The following ATAD5 variants were observed in gnomAD, a reference collection of about 807,000 sequenced individuals.
ATAD5 encodes the protein ATPase family AAA domain-containing protein 5.
Under a neutral mutation model 176.9 loss-of-function variants are expected in ATAD5, and 58 were observed. The ratio of observed to expected loss-of-function variants is 0.33; its 90% confidence interval spans 0.27 to 0.41. The LOEUF (loss-of-function observed/expected upper bound fraction) is 0.41, where lower values mean the gene tolerates loss of function less well. ATAD5 is among the 10% of genes least tolerant of loss of function. ATAD5 has a pLI of 1.00. For missense variants in ATAD5, 1,789 were observed against 2,094.1 expected (o/e 0.85, Z 2.84); for synonymous variants, 640 against 712.6 (o/e 0.90, Z 1.62).
At chr17:30,884,949 G>C (rs921371894) in intron 18 of ATAD5, among the ~76,000 whole-genome samples, 1 of 151,668 alleles carries the variant, frequency 6.6e-6, no homozygotes, top group Non-Finnish European at 1.5e-5. Context: ...GGGTTTCACT[G>C]TGTTAGCCAG....
intron 18 of ATAD5, among the ~76,000 whole-genome samples, chr17:30,885,508 G>GA (rs1909261802): frequency 6.6e-6 from 1 of 151,370 alleles, no homozygotes; most frequent in Non-Finnish European, 1.5e-5. Flanking sequence ...TCCTTAGCTT[G>GA]TACTTGATCT....
rs745393622 is a variant in ATAD5 at position 30,887,270 on chromosome 17, T to C, written c.4156T>C (p.Leu1386=). Reference sequence around the variant, plus strand: ...TGATGTAAAAGACTTTGTAACCTTGTTAACTGCAAATACTTGTGATATCAG... The same window carrying C: ...TGATGTAAAAGACTTTGTAACCTTGCTAACTGCAAATACTTGTGATATCAG... ...RTDVKDFVTL[L]TANTCDIRKS... The change falls in exon 19 of 23, where the codon TTA becomes CTA. Residue 1386 remains leucine, a synonymous_variant. Coordinates refer to ENST00000321990, the MANE Select transcript of ATAD5 (RefSeq NM_024857.5). 1 of 1,608,082 alleles carries C rather than the reference T, an allele frequency of 6.2e-7. No homozygotes were observed. Among genetic ancestry groups the C allele is most frequent in the Non-Finnish European group, 8.5e-7 (1 of 1,177,532 alleles).
In ATAD5 at chr17:30,832,211, G is replaced by A. The variant is rs1905418920; in HGVS notation, c.-137G>A. 3 of 579,724 alleles carry A rather than the reference G, an allele frequency of 5.2e-6. No homozygotes were observed. Among genetic ancestry groups the A allele is most frequent in the Non-Finnish European group, 8.2e-6 (3 of 365,448 alleles). The allele number at this position is 579,724 out of a possible 1,614,324, so 35.9% of individuals were successfully genotyped here. On this transcript the variant is annotated 5_prime_UTR_variant, in exon 1 of 23. Coordinates refer to ENST00000321990, the MANE Select transcript of ATAD5 (RefSeq NM_024857.5). ...CTCCGCTCCCGCTCTCTGTCGGTGGGCGCGGGGGAATCCGAAACGGCTCAG... is the reference window on the plus strand; with the variant it reads ...CTCCGCTCCCGCTCTCTGTCGGTGGACGCGGGGGAATCCGAAACGGCTCAG...
At chr17:30,852,798 C>T (rs933687205) in intron 6 of ATAD5, among the ~76,000 whole-genome samples, 7 of 152,068 alleles carry the variant, frequency 4.6e-5, no homozygotes, top group Admixed American at 3.3e-4. Flanking sequence ...TTACTCATTA[C>T]TGTGAGGACA....
At chr17:30,886,083 C>G (rs1909307395) in intron 18 of ATAD5, among the ~76,000 whole-genome samples, 2 of 151,494 alleles carry the variant, frequency 1.3e-5, no homozygotes, top group South Asian at 2.1e-4. Context: ...GTATTATCCA[C>G]TTTATATATT....
chr17:30,841,585 G>C (rs1359656613), intron 4 of ATAD5, among the ~76,000 whole-genome samples: 1 of 152,014 alleles, frequency 6.6e-6, no homozygotes, highest in East Asian at 1.9e-4. Context: ...AGTCAATTTT[G>C]GAACATTTTC....
intron 19 of ATAD5, among the ~76,000 whole-genome samples, chr17:30,889,886 CTTTTTTTT>C: frequency 1.0e-5 from 1 of 95,690 alleles, no homozygotes; most frequent in South Asian, 3.6e-4. Context: ...TCTTTTCTTT[CTTTTTTTT>C]TTTTTTTTTT....
chr17:30,888,243 A>G (rs866272202), intron 19 of ATAD5, among the ~76,000 whole-genome samples: 4 of 152,180 alleles, frequency 2.6e-5, no homozygotes, highest in African/African-American at 9.7e-5. Context: ...AAATATGCAC[A>G]TGTCAACTTT....
intron 14 of ATAD5, among the ~76,000 whole-genome samples, chr17:30,874,998 GATGGTC>G (rs1202450385): frequency 1.3e-5 from 2 of 152,056 alleles, no homozygotes; most frequent in Admixed American, 1.3e-4. Context: ...TTTTTGAAAT[GATGGTC>G]ATGTCTGTGA....
At position 30,892,734 on chromosome 17, in the gene ATAD5, G is replaced by A. The variant is rs1397127558; in HGVS notation, c.4386G>A (p.Leu1462=). ...GTGACAGTGGCTGTGCTGAGACCTT[G>A]TTTGGCCTTAAGAACATTTTTTCCC... ...PKCDSGCAET[L]FGLKNIFSPS... is the part of the protein sequence containing the mutation. Residue 1462 remains leucine (L), a synonymous_variant, in exon 20 of 23, where the codon TTG becomes TTA. Coordinates refer to ENST00000321990, the MANE Select transcript of ATAD5 (RefSeq NM_024857.5). 1.3e-6 allele frequency: 2 copies of A among 1,583,502 alleles called. No homozygotes were observed. Among genetic ancestry groups the A allele is most frequent in the Non-Finnish European group, 1.7e-6 (2 of 1,166,784 alleles).
intron 6 of ATAD5, among the ~76,000 whole-genome samples, chr17:30,847,316 C>CTATATATATATA (rs552039836): frequency 1.3e-5 from 2 of 150,236 alleles, no homozygotes; most frequent in African/African-American, 4.9e-5. Context: ...GAATATGCCG[C>CTATATATATATA]TATATATATA....
chr17:30,890,424 T>TC (rs1473669491), intron 19 of ATAD5, among the ~76,000 whole-genome samples: 3 of 143,866 alleles, frequency 2.1e-5, no homozygotes, highest in Admixed American at 6.9e-5. Context: ...TTTTCTTTTT[T>TC]TTTTTTTTTT....
chr17:30,869,863 TA>T, intron 14 of ATAD5: 1 of 519,454 alleles, frequency 1.9e-6, no homozygotes, highest in Non-Finnish European at 3.3e-6. Flanking sequence ...TAAGGACTTT[TA>T]AAAAAGCATA....
intron 19 of ATAD5, 134 bp from the exon 20 acceptor site, chr17:30,892,473 A>T: frequency 2.1e-6 from 1 of 470,432 alleles, no homozygotes; most frequent in Non-Finnish European, 3.6e-6. Context: ...ACTCTTAATG[A>T]ATTAAACACA....
In ATAD5 at chr17:30,834,913, A is replaced by G; in HGVS notation, c.832A>G (p.Lys278Glu). Residue 278 changes from lysine to glutamate, a missense_variant, in exon 2 of 23, where the codon AAA (lysine) becomes GAA (glutamate). Around this residue, in one of 6 missense-constraint regions of ATAD5, gnomAD observed 696 missense variants for 712.5 expected, o/e 0.98. Coordinates refer to ENST00000321990, the MANE Select transcript of ATAD5 (RefSeq NM_024857.5). ...ATTTTTAAAAAGTCACAAGGAAAAT[A>G]AAGTGGAAGAGATACCAGACTCTAC... ...EEFLKSHKEN[K>E]VEEIPDSTMS... 1 of 1,613,574 alleles carries G rather than the reference A, an allele frequency of 6.2e-7. No individual in the cohort carries two copies. The highest frequency in any genetic ancestry group is 8.5e-7 in the Non-Finnish European group (1 of 1,179,880).
chr17:30,878,720 T>G (rs980600940), intron 17 of ATAD5, among the ~76,000 whole-genome samples: 14 of 69,958 alleles, frequency 2.0e-4, no homozygotes, highest in South Asian at 6.6e-4. Flanking sequence ...TAGGTGGTGT[T>G]TTTTTTTTTT....
At chr17:30,883,158 T>G (rs1210935170) in intron 18 of ATAD5, among the ~76,000 whole-genome samples, 1 of 146,906 alleles carries the variant, frequency 6.8e-6, no homozygotes, top group Non-Finnish European at 1.5e-5. Context: ...ACGGTCTCAC[T>G]CTATCTCCTA....
chr17:30,893,906 A>G lies in ATAD5; in HGVS notation c.5053A>G (p.Thr1685Ala), dbSNP rs751642439. 1.9e-6 allele frequency: 3 copies of G among 1,614,088 alleles called. No individual in the cohort carries two copies. Among genetic ancestry groups the G allele is most frequent in the African/African-American group, 2.7e-5 (2 of 75,062 alleles). ...CTTTAGTTGGACAAATGGAAAGGTT[A>G]CAAGTGGACTTTGTGATGAGTTTAG... Reference protein sequence around the residue: ...NDFSWTNGKVTSGLCDEFSLE... With the variant: ...NDFSWTNGKVASGLCDEFSLE... The change falls in exon 21 of 23, where the codon ACA (threonine) becomes GCA (alanine). Residue 1685 changes from threonine (T) to alanine (A), a missense_variant. By Grantham distance (58) the Thr-to-Ala change is moderately conservative. Transcript: ENST00000321990.
intron 11 of ATAD5, among the ~76,000 whole-genome samples, chr17:30,866,763 C>T (rs1053915218): frequency 2.0e-5 from 3 of 151,762 alleles, no homozygotes; most frequent in Admixed American, 6.6e-5. Context: ...TGCAGCGAGC[C>T]GAGGTCGTGC....
Sources: allele counts gnomAD v4.1 joint callset (sites outside exome capture counted in the v4.1 genomes callset), GRCh38; gene constraint gnomAD v4.1.1; regional missense constraint gnomAD v4.1.1; transcripts MANE v1.5; gene names NCBI Gene and HGNC (gene_info 2026-07-23, HGNC 2026-07-21).